ADAMTSL1: variants seen among roughly 807,000 people sequenced by gnomAD.
ADAMTSL1 encodes the protein ADAMTS-like protein 1.
ADAMTSL1 carries 126 observed loss-of-function variants against 201.8 expected under a neutral mutation model. The ratio of observed to expected loss-of-function variants is 0.62; its 90% confidence interval spans 0.54 to 0.72. The LOEUF (loss-of-function observed/expected upper bound fraction) is 0.72, where lower values mean the gene tolerates loss of function less well. ADAMTSL1 is among the 30% of genes least tolerant of loss of function. ADAMTSL1 has a pLI of 0.00. For synonymous variants in ADAMTSL1, 1,121 were observed against 903.4 expected (o/e 1.24, Z -4.32); for missense variants, 2,679 against 2,277.8 (o/e 1.18, Z -3.59).
rs575574233 is a variant in ADAMTSL1 at position 18,858,817 on chromosome 9, CA to C, written c.4249+28841del. Among the ~76,000 whole-genome samples, 110 of 152,320 alleles carry C rather than the reference CA, an allele frequency of 7.2e-4. 1 individual carries two copies. The highest frequency in any genetic ancestry group is 2.1e-3 in the African/African-American group (87 of 41,568). On this transcript the variant is annotated intron_variant, in intron 23 of 28. Coordinates refer to ENST00000380548, the MANE Select transcript of ADAMTSL1 (RefSeq NM_001040272.6). The stretch of plus-strand genomic sequence containing the variant: ...CCCCTTCCACTCCCGCTTTCTGGTT[CA>C]GGGGTATTTAACCTGGGGTCCACAA...
At chr9:18,468,890 A>C (rs939795141) in intron 2 of ADAMTSL1, among the ~76,000 whole-genome samples, 6 of 152,196 alleles carry the variant, frequency 3.9e-5, no homozygotes, top group Non-Finnish European at 4.4e-5. Context: ...ATCAGATCAA[A>C]TTTTACAATT....
chr9:18,789,413 C>T (rs918418380), intron 19 of ADAMTSL1, among the ~76,000 whole-genome samples: 10 of 152,134 alleles, frequency 6.6e-5, no homozygotes, highest in Admixed American at 3.9e-4. Context: ...AGTGGCAAAG[C>T]GGGGATTTGA....
At chr9:18,038,847 G>A (rs1821316214) in intron 1 of ADAMTSL1, among the ~76,000 whole-genome samples, 1 of 152,196 alleles carries the variant, frequency 6.6e-6, no homozygotes, top group Non-Finnish European at 1.5e-5. Flanking sequence ...AGAGTCTATT[G>A]TGTAAACTTT....
At chr9:18,578,967 C>A (rs984480268) in intron 4 of ADAMTSL1, among the ~76,000 whole-genome samples, 3 of 151,418 alleles carry the variant, frequency 2.0e-5, no homozygotes, top group African/African-American at 7.3e-5. Flanking sequence ...ATTTGCATTT[C>A]TCTGATGGCC....
chr9:18,709,672 C>T (rs1369958008), intron 14 of ADAMTSL1, among the ~76,000 whole-genome samples: 1 of 152,208 alleles, frequency 6.6e-6, no homozygotes, highest in African/African-American at 2.4e-5. Context: ...CTAACCTGCT[C>T]AGATCTGTAT....
chr9:18,552,464 T>G (rs1033975703), intron 3 of ADAMTSL1, among the ~76,000 whole-genome samples: 3 of 151,866 alleles, frequency 2.0e-5, no homozygotes, highest in African/African-American at 7.2e-5. Context: ...CTTTGGAATT[T>G]GTTGAGATTT....
intron 9 of ADAMTSL1, among the ~76,000 whole-genome samples, chr9:18,667,947 TCAGTTCA>T (rs1829559342): frequency 6.6e-6 from 1 of 152,130 alleles, no homozygotes; most frequent in Admixed American, 6.5e-5. Context: ...TCCTGAAGTC[TCAGTTCA>T]CAAGTGTCTG....
intron 2 of ADAMTSL1, among the ~76,000 whole-genome samples, chr9:18,203,500 T>C (rs1167537042): frequency 6.6e-6 from 1 of 151,090 alleles, no homozygotes; most frequent in Non-Finnish European, 1.5e-5. Context: ...AAGCCTAGGC[T>C]CAGGATAGAT....
intron 23 of ADAMTSL1, among the ~76,000 whole-genome samples, chr9:18,847,204 A>C (rs1826175207): frequency 6.6e-6 from 1 of 152,190 alleles, no homozygotes; most frequent in South Asian, 2.1e-4. Context: ...CAGGAAATCA[A>C]AAGGAACAGG....
chr9:18,853,796 G>A (rs369216069), intron 23 of ADAMTSL1, among the ~76,000 whole-genome samples: 5 of 152,098 alleles, frequency 3.3e-5, no homozygotes, highest in South Asian at 4.2e-4. Context: ...TTGCAAAAGC[G>A]ATTTCACATG....
intron 9 of ADAMTSL1, among the ~76,000 whole-genome samples, chr9:18,671,842 C>G (rs1401765261): frequency 6.6e-6 from 1 of 152,030 alleles, no homozygotes; most frequent in African/African-American, 2.4e-5. Flanking sequence ...TCGAGACCAT[C>G]CTGGCTAACA....
intron 2 of ADAMTSL1, among the ~76,000 whole-genome samples, chr9:18,274,928 G>C (rs1415576659): frequency 2.0e-5 from 3 of 152,150 alleles, no homozygotes; most frequent in African/African-American, 7.2e-5. Context: ...TTCCTCCCAT[G>C]AGCAAAAGTT....
intron 1 of ADAMTSL1, among the ~76,000 whole-genome samples, chr9:17,953,071 A>G (rs1827793453): frequency 6.6e-6 from 1 of 151,056 alleles, no homozygotes; most frequent in Non-Finnish European, 1.5e-5. Flanking sequence ...GTTTACATTC[A>G]TATAGGTAAA....
rs114559650 is a variant in ADAMTSL1, at chr9:18,880,190, G to T, written c.4250-7641G>T. Among the ~76,000 whole-genome samples, 1,130 of 152,222 alleles carry T rather than the reference G, an allele frequency of 7.4e-3. 22 individuals are homozygous for T. Among genetic ancestry groups the T allele is most frequent in the African/African-American group, 0.026 (1,073 of 41,530 alleles). Reference sequence around the variant, plus strand: ...TGAACCCCTCAAAGTCATCCATGAGGGCTAGAATCAACCTCTCCCAAATTC... The same window carrying T: ...TGAACCCCTCAAAGTCATCCATGAGTGCTAGAATCAACCTCTCCCAAATTC... On this transcript the variant is annotated intron_variant, in intron 23 of 28. Coordinates refer to ENST00000380548, the MANE Select transcript of ADAMTSL1 (RefSeq NM_001040272.6).
intron 1 of ADAMTSL1, among the ~76,000 whole-genome samples, chr9:18,062,060 T>G (rs113534287): frequency 0.023 from 3,439 of 152,294 alleles, 49 homozygotes; most frequent in Middle Eastern, 0.041. Flanking sequence ...ATTCACTGGT[T>G]TAGGGGTGCA....
chr9:18,218,893 G>A (rs1334421333), intron 2 of ADAMTSL1, among the ~76,000 whole-genome samples: 2 of 151,998 alleles, frequency 1.3e-5, no homozygotes, highest in Admixed American at 6.6e-5. Flanking sequence ...AATTTTCACA[G>A]TTAGATGTCC....
intron 1 of ADAMTSL1, among the ~76,000 whole-genome samples, chr9:18,158,576 G>T (rs1035966555): frequency 6.6e-6 from 1 of 151,998 alleles, no homozygotes; most frequent in Non-Finnish European, 1.5e-5. Context: ...TTTATCACAA[G>T]TGAAATTTAC....
intron 2 of ADAMTSL1, among the ~76,000 whole-genome samples, chr9:18,235,404 A>G (rs895913858): frequency 2.0e-5 from 3 of 152,136 alleles, no homozygotes; most frequent in African/African-American, 7.2e-5. Flanking sequence ...AAGCTTCATC[A>G]CTTAGCTGAG....
intron 19 of ADAMTSL1, among the ~76,000 whole-genome samples, chr9:18,787,674 C>A (rs1319897114): frequency 6.6e-6 from 1 of 152,096 alleles, no homozygotes; most frequent in Non-Finnish European, 1.5e-5. Context: ...AAGGAATGAC[C>A]TTTGACTGTT....
Sources: gnomAD v4.1 joint callset for allele counts (sites outside exome capture counted in the v4.1 genomes callset) on GRCh38, gnomAD v4.1.1 for gene constraint, MANE v1.5 for transcripts, NCBI Gene and HGNC (gene_info 2026-07-23, HGNC 2026-07-21) for gene names.